UHRF1: variants seen among roughly 807,000 people sequenced by gnomAD.
The protein encoded by UHRF1 is ubiquitin like with PHD and ring finger domains 1.
Under a neutral mutation model 96.5 loss-of-function variants are expected in UHRF1, and 9 were observed. That is an observed-to-expected ratio of 0.09 (90% CI 0.06 to 0.16). The LOEUF (loss-of-function observed/expected upper bound fraction) is 0.16, where lower values mean the gene tolerates loss of function less well. Ranked by LOEUF, UHRF1 falls within the 10% of genes least tolerant of loss-of-function variation. The pLI, the probability that UHRF1 is intolerant of heterozygous loss-of-function variation, is 1.00. For missense variants in UHRF1, 626 were observed against 1,131.1 expected, an observed-to-expected ratio of 0.55 and a Z score of 6.40; for synonymous variants, 455 against 469.9, an observed-to-expected ratio of 0.97 and a Z score of 0.41.
chr19:4,947,473 G>C (rs2033599616), intron 11 of UHRF1, among the ~76,000 whole-genome samples: 1 of 136,710 alleles, frequency 7.3e-6, no homozygotes, highest in South Asian at 2.5e-4. Context: ...CCCTATAAAA[G>C]GCCAGATAAT....
At chr19:4,913,541 C>T (rs2032368034) in intron 2 of UHRF1, among the ~76,000 whole-genome samples, 1 of 152,022 alleles carries the variant, frequency 6.6e-6, no homozygotes, top group Admixed American at 6.6e-5. Context: ...AGGTGTGAAC[C>T]ACTGCACCCA....
At chr19:4,939,080 A>T (rs1024765350) in intron 5 of UHRF1, among the ~76,000 whole-genome samples, 10 of 147,848 alleles carry the variant, frequency 6.8e-5, no homozygotes, top group African/African-American at 1.0e-4. Context: ...CACCTGGCTC[A>T]TTTTTTTTTG....
At chr19:4,952,283 G>A (rs912214112) in intron 13 of UHRF1, among the ~76,000 whole-genome samples, 23 of 151,926 alleles carry the variant, frequency 1.5e-4, no homozygotes, top group Non-Finnish European at 2.5e-4. Flanking sequence ...TAGTAGAGAC[G>A]GGGTTTCACC....
At chr19:4,938,729 G>GTTTTTT in intron 5 of UHRF1, among the ~76,000 whole-genome samples, 1 of 73,940 alleles carries the variant, frequency 1.4e-5, no homozygotes, top group South Asian at 4.9e-4. Flanking sequence ...GTTTTGGTCA[G>GTTTTTT]GTTTTTTTTT....
chr19:4,909,413 G>A (rs994057378), upstream of UHRF1: 23 of 651,216 alleles, frequency 3.5e-5, no homozygotes, highest in African/African-American at 1.9e-5. Context: ...CCACTGCGTC[G>A]GCCAATCAGG....
chr19:4,943,473 A>C (rs558013730), intron 7 of UHRF1, among the ~76,000 whole-genome samples: 2 of 148,988 alleles, frequency 1.3e-5, no homozygotes, highest in East Asian at 4.0e-4. Context: ...TCCAGCACAG[A>C]AGTGGGTGTT....
intron 5 of UHRF1, among the ~76,000 whole-genome samples, chr19:4,940,815 G>C (rs879639436): frequency 1.3e-5 from 2 of 149,646 alleles, no homozygotes; most frequent in African/African-American, 4.9e-5. Context: ...TGGGATTACA[G>C]GTGCGCGCTA....
chr19:4,924,669 T>G (rs1175302165), intron 2 of UHRF1, among the ~76,000 whole-genome samples: 1 of 152,114 alleles, frequency 6.6e-6, no homozygotes, highest in Non-Finnish European at 1.5e-5. Flanking sequence ...GGAGTTCCTA[T>G]AGACCCCCTG....
intron 11 of UHRF1, among the ~76,000 whole-genome samples, chr19:4,949,310 C>T (rs1176028783): frequency 6.6e-6 from 1 of 152,132 alleles, no homozygotes; most frequent in African/African-American, 2.4e-5. Context: ...TTGGAACCAT[C>T]TTTCTGGAAA....
chr19:4,955,057 TC>T lies in UHRF1; in HGVS notation c.2130+239del, dbSNP rs1347729494. Among the ~76,000 whole-genome samples the T allele has an allele frequency of 2.6e-5, 4 of 151,524 alleles. No homozygotes were observed. In the East Asian group the frequency reaches 5.9e-4, roughly 22 times the overall value. Reference sequence around the variant, plus strand: ...CCCCCTCCCAAGCCTTGGCACTCGCTCCCCAGCCCCGGCAACTGCTCCCCAG... The same window carrying T: ...CCCCCTCCCAAGCCTTGGCACTCGCTCCCAGCCCCGGCAACTGCTCCCCAG... On this transcript the variant is annotated intron_variant, in intron 15 of 16. Transcript: ENST00000650932.
At chr19:4,941,153 C>T (rs868366288) in intron 5 of UHRF1, among the ~76,000 whole-genome samples, 31 of 136,056 alleles carry the variant, frequency 2.3e-4, no homozygotes, top group South Asian at 9.4e-4. Context: ...TGCAGTGGCG[C>T]GATCTTGGCT....
chr19:4,941,342 A>G (rs1358617967), intron 5 of UHRF1, among the ~76,000 whole-genome samples, 186 bp from the exon 6 acceptor site: 1 of 151,926 alleles, frequency 6.6e-6, no homozygotes, highest in Non-Finnish European at 1.5e-5. Flanking sequence ...CAGTGTTGGT[A>G]TTACAGGCGT....
chr19:4,932,651 G>A (rs954490012), intron 4 of UHRF1, 90 bp from the exon 5 acceptor site: 4 of 1,423,648 alleles, frequency 2.8e-6, no homozygotes, highest in Non-Finnish European at 3.9e-6. Context: ...GCACACTGTC[G>A]GGAGGGGCCG....
chr19:4,950,801 C>T (rs2033696940), intron 12 of UHRF1, 28 bp downstream of exon 12: 1 of 1,613,784 alleles, frequency 6.2e-7, no homozygotes, highest in South Asian at 1.1e-5. Context: ...AGGCCGGGGG[C>T]TCTGTCCCCG....
chr19:4,914,466 C>T (rs2032413037), intron 2 of UHRF1, among the ~76,000 whole-genome samples: 1 of 152,002 alleles, frequency 6.6e-6, no homozygotes, highest in African/African-American at 2.4e-5. Context: ...GATGGAGACC[C>T]CAGAGCAGAA....
Position 4,944,174 on chromosome 19 carries a change from G to A in UHRF1, c.1116G>A (p.Leu372=), listed in dbSNP as rs371771172. The A allele has an allele frequency of 1.9e-5, 30 of 1,613,076 alleles. No homozygotes were observed. In the African/African-American group the frequency reaches 2.9e-4, roughly 16 times the overall value. ...ECRNDASEVV[L]AGERLRESKK... The stretch of plus-strand genomic sequence containing the variant: ...GGAATGATGCCAGCGAGGTGGTACT[G>A]GCGGGAGAGCGGCTGAGAGAGAGCA... The change falls in exon 8 of 17, where the codon CTG becomes CTA. Residue 372 remains leucine, a synonymous_variant. Coordinates refer to ENST00000650932, the MANE Select transcript of UHRF1 (RefSeq NM_001048201.3).
At chr19:4,945,759 G>T in intron 9 of UHRF1, 102 bp from the exon 10 acceptor site, 1 of 954,276 alleles carries the variant, frequency 1.0e-6, no homozygotes, top group Non-Finnish European at 1.6e-6. Flanking sequence ...TGGTGTAAAA[G>T]TGAGGCCGCT....
rs139533466 is a variant in UHRF1 at position 4,918,192 on chromosome 19, T to A, written c.153+7154T>A. ...TGGAGTGCAGTGGCGTGATCTTGGC[T>A]CACTGCAACCTCCACCTCCCAGGTT... On this transcript the variant is annotated intron_variant, in intron 2 of 16. Transcript: ENST00000650932. 7.2e-5 allele frequency among the ~76,000 whole-genome samples: 11 copies of A among 152,114 alleles called. No homozygotes were observed. In the East Asian group the frequency reaches 2.1e-3, roughly 29 times the overall value.
At chr19:4,905,999 CAG>C (rs35431578), upstream of UHRF1, among the ~76,000 whole-genome samples, 32 of 152,226 alleles carry the variant, frequency 2.1e-4, no homozygotes, top group Non-Finnish European at 3.8e-4. Flanking sequence ...TTTTTTGAGA[CAG>C]AGTCTCCTTC....
Sources: allele counts gnomAD v4.1 joint callset (sites outside exome capture counted in the v4.1 genomes callset), GRCh38; gene constraint gnomAD v4.1.1; transcripts MANE v1.5; gene names NCBI Gene and HGNC (gene_info 2026-07-23, HGNC 2026-07-21).